The following USP9X variants were observed in gnomAD, a reference collection of about 807,000 sequenced individuals.
The protein encoded by USP9X is ubiquitin carboxyl-terminal hydrolase 9X.
Under a neutral mutation model 190.3 loss-of-function variants are expected in USP9X, and 7 were observed. The ratio of observed to expected loss-of-function variants is 0.04; its 90% CI spans 0.02 to 0.07. The LOEUF is 0.07. Among genes scored for constraint, USP9X ranks in the 10% least tolerant of loss-of-function variants. The pLI is 1.00. For missense variants in USP9X, 1,010 were observed against 1,916.9 expected, an observed-to-expected ratio of 0.53 and a Z score of 8.83; for synonymous variants, 645 against 659.5, an observed-to-expected ratio of 0.98 and a Z score of 0.34.
chrX:41,222,299 G>A lies in USP9X; in HGVS notation c.6566-918G>A, dbSNP rs761352077. ...AGTTTTTAAGAGACAAGGAGGAGTC[G>A]CAAATAAGAACAAAAAGAGGTAGAA... On this transcript the variant is annotated intron_variant, in intron 38 of 44. Transcript: ENST00000378308. 2.7e-5 allele frequency among the ~76,000 whole-genome samples: 3 copies of A among 111,014 alleles called. No individual in the cohort carries two copies. In the South Asian group the frequency reaches 1.1e-3, roughly 42 times the overall value.
Position 41,214,682 on chromosome X carries a change from A to C in USP9X, c.5304A>C (p.Ala1768=), listed in dbSNP as rs908408746. 1.3e-5 allele frequency: 15 copies of C among 1,196,513 alleles called. No individual in the cohort carries two copies. The highest frequency in any genetic ancestry group is 1.7e-5 in the Non-Finnish European group (15 of 890,989). ...VKGDLLEGAN[A]YHCEKCNKKV... ...GAGATTTACTAGAAGGTGCAAATGC[A>C]TATCATTGTGAAAAATGCAATAAAA... Residue 1768 remains alanine (A), a synonymous_variant, in exon 34 of 45, where the codon GCA becomes GCC. Transcript: ENST00000378308.
chrX:41,099,106 T>TTTTTTTTTG (rs2062016798), intron 1 of USP9X, among the ~76,000 whole-genome samples: 1 of 88,293 alleles, frequency 1.1e-5, no homozygotes, highest in African/African-American at 4.3e-5. Context: ...GTTTTTTTTT[T>TTTTTTTTTG]TTTTTTTTTT....
intron 4 of USP9X, among the ~76,000 whole-genome samples, chrX:41,133,471 T>G (rs2062342333): frequency 8.9e-6 from 1 of 112,026 alleles, no homozygotes; most frequent in Non-Finnish European, 1.9e-5. Context: ...ATCCATTACC[T>G]CAAGCATTTA....
At position 41,233,322 on chromosome X, in the gene USP9X, GAC is replaced by G. The variant is rs777394037; in HGVS notation, c.*800_*801del. Reference sequence around the variant, plus strand: ...AAATATAAAACAAGGGGAGAAATGTGACAGTCTATTTTCAGTTGCACATATGT... The same window carrying G: ...AAATATAAAACAAGGGGAGAAATGTGAGTCTATTTTCAGTTGCACATATGT... On this transcript the variant is annotated 3_prime_UTR_variant, in exon 45 of 45. Coordinates refer to ENST00000378308, the MANE Select transcript of USP9X (RefSeq NM_001039591.3). 2 of 111,899 alleles carry G rather than the reference GAC, an allele frequency of 1.8e-5. No individual in the cohort carries two copies. Among genetic ancestry groups the G allele is most frequent in the Non-Finnish European group, 3.8e-5 (2 of 53,189 alleles). The allele number at this position is 111,899 out of a possible 1,213,427, so 9.2% of individuals were successfully genotyped here.
intron 31 of USP9X, chrX:41,204,979 A>G (rs2063077575): frequency 7.0e-6 from 1 of 141,905 alleles, no homozygotes; most frequent in African/African-American, 3.1e-5. Context: ...AAGCCTAGAA[A>G]GTTTAAGTAG....
At chrX:41,231,837 A>G (rs922703597) in intron 44 of USP9X, among the ~76,000 whole-genome samples, 4 of 111,511 alleles carry the variant, frequency 3.6e-5, no homozygotes, top group Non-Finnish European at 7.5e-5. Flanking sequence ...AAGGTTAAGG[A>G]ACCAAATCCA....
In USP9X at chrX:41,107,610, A is replaced by G. The variant is rs375755645; in HGVS notation, c.-158-15861A>G. 1.3e-4 allele frequency among the ~76,000 whole-genome samples: 14 copies of G among 111,818 alleles called. No homozygotes were observed. In the East Asian group the frequency reaches 2.8e-3, roughly 22 times the overall value. ...GCAGTTTTTGATTCTGATTTCTTCA[A>G]ATGTCTTTTCTGTTCCCTTTTCTCC... On this transcript the variant is annotated intron_variant, in intron 1 of 44. Coordinates refer to ENST00000378308, the MANE Select transcript of USP9X (RefSeq NM_001039591.3).
intron 1 of USP9X, among the ~76,000 whole-genome samples, chrX:41,095,043 C>CA (rs35922180): frequency 6.1e-3 from 434 of 70,577 alleles, no homozygotes; most frequent in African/African-American, 7.9e-3. Context: ...GACTCCGTCT[C>CA]AAAAAAAAAA....
At chrX:41,189,959 G>T (rs1216269507) in intron 26 of USP9X, 1 of 112,030 alleles carries the variant, frequency 8.9e-6, no homozygotes, top group African/African-American at 3.2e-5. Flanking sequence ...CAGTAATTTT[G>T]TTTTGGGTTT....
At chrX:41,181,050 C>A (rs2062820453) in intron 21 of USP9X, among the ~76,000 whole-genome samples, 1 of 110,666 alleles carries the variant, frequency 9.0e-6, no homozygotes, top group South Asian at 3.8e-4. Flanking sequence ...AGCCAAGTGC[C>A]CATGTTATGA....
chrX:41,170,857 C>G (rs866967882), intron 20 of USP9X, among the ~76,000 whole-genome samples: 29 of 111,310 alleles, frequency 2.6e-4, no homozygotes, highest in African/African-American at 7.9e-4. Flanking sequence ...TAAAATTAAC[C>G]AATTAGAGCT....
intron 2 of USP9X, among the ~76,000 whole-genome samples, chrX:41,124,066 A>C (rs1276125930): frequency 2.7e-5 from 3 of 109,348 alleles, no homozygotes; most frequent in African/African-American, 1.0e-4. Flanking sequence ...AAAAACCTAC[A>C]TTGGTGGGTC....
intron 1 of USP9X, among the ~76,000 whole-genome samples, chrX:41,118,265 G>A (rs528472111): frequency 9.0e-6 from 1 of 111,122 alleles, no homozygotes; most frequent in Admixed American, 9.6e-5. Context: ...AAACTGAAGC[G>A]CTGTACCCCT....
chrX:41,227,180 T>A (rs2063321222), intron 41 of USP9X, among the ~76,000 whole-genome samples: 1 of 112,189 alleles, frequency 8.9e-6, no homozygotes, highest in Non-Finnish European at 1.9e-5. Flanking sequence ...CAGTAAACAA[T>A]GTTCAAATAT....
chrX:41,215,514 G>A (rs941451118), intron 34 of USP9X, among the ~76,000 whole-genome samples: 1 of 112,591 alleles, frequency 8.9e-6, no homozygotes, highest in Middle Eastern at 4.6e-3. Context: ...GTAAGGATTC[G>A]GTATGTTTTT....
At chrX:41,100,648 A>G (rs902906148) in intron 1 of USP9X, among the ~76,000 whole-genome samples, 2 of 111,075 alleles carry the variant, frequency 1.8e-5, no homozygotes, top group Non-Finnish European at 3.8e-5. Flanking sequence ...TTATTTATTT[A>G]AAAAAAATTT....
At chrX:41,171,308 C>T (rs2062723383) in intron 20 of USP9X, among the ~76,000 whole-genome samples, 1 of 111,539 alleles carries the variant, frequency 9.0e-6, no homozygotes, top group African/African-American at 3.3e-5. Flanking sequence ...TATGCTCTAG[C>T]CTGGTCAACA....
At position 41,226,678 on chromosome X, in the gene USP9X, C is replaced by T. The variant is rs1431781864; in HGVS notation, c.7061+1541C>T. The stretch of plus-strand genomic sequence containing the variant: ...TAGCATTAAACCAAAAATCAATTTT[C>T]GTGAGACACAAAAGATAGTAGCTCA... On this transcript the variant is annotated intron_variant, in intron 41 of 44. Transcript: ENST00000378308. 2.7e-5 allele frequency among the ~76,000 whole-genome samples: 3 copies of T among 112,274 alleles called. No individual in the cohort carries two copies. In the East Asian group the frequency reaches 8.3e-4, roughly 31 times the overall value.
intron 31 of USP9X, among the ~76,000 whole-genome samples, chrX:41,202,293 A>C (rs1050903165): frequency 3.6e-5 from 4 of 112,010 alleles, no homozygotes; most frequent in African/African-American, 1.3e-4. Context: ...TATCCAGTGC[A>C]GTATAAAGCA....
Sources: allele counts gnomAD v4.1 joint callset (sites outside exome capture counted in the v4.1 genomes callset), GRCh38; gene constraint gnomAD v4.1.1; transcripts MANE v1.5; gene names NCBI Gene and HGNC (gene_info 2026-07-23, HGNC 2026-07-21).